ZNF618: variants seen among roughly 807,000 people sequenced by gnomAD.
ZNF618 encodes neural precursor cell expressed, developmentally down-regulated 10.
A neutral mutation model predicts 103.0 loss-of-function variants in ZNF618; 34 were observed. The observed-to-expected ratio is 0.33, with a 90% CI of 0.25 to 0.44. The LOEUF is 0.44. ZNF618 is among the 20% of genes least tolerant of loss of function. The pLI, the probability that ZNF618 is intolerant of heterozygous loss-of-function variation, is 1.00. For synonymous variants in ZNF618, 551 were observed against 542.2 expected (o/e 1.02, Z -0.23); for missense variants, 1,059 against 1,295.4 (o/e 0.82, Z 2.80).
At chr9:114,025,539 T>C (rs2134108325) in intron 10 of ZNF618, among the ~76,000 whole-genome samples, 1 of 152,370 alleles carries the variant, frequency 6.6e-6, no homozygotes, top group Middle Eastern at 3.4e-3. Flanking sequence ...GACTCTTTCA[T>C]GCTTTCTCAG....
chr9:113,884,676 G>A (rs1828880726), intron 1 of ZNF618, among the ~76,000 whole-genome samples: 1 of 152,006 alleles, frequency 6.6e-6, no homozygotes. Context: ...GCTTAGATGG[G>A]ACATGAAGCC....
chr9:113,994,691 A>C (rs1840396857), intron 3 of ZNF618, among the ~76,000 whole-genome samples: 1 of 152,186 alleles, frequency 6.6e-6, no homozygotes, highest in Non-Finnish European at 1.5e-5. Context: ...CGGGACAAAA[A>C]ACGTAAAACC....
intron 1 of ZNF618, among the ~76,000 whole-genome samples, chr9:113,888,886 G>A (rs1829331301): frequency 6.6e-6 from 1 of 152,132 alleles, no homozygotes; most frequent in Admixed American, 6.5e-5. Flanking sequence ...AGAGAGGCTT[G>A]GAATAGCCAG....
intron 1 of ZNF618, among the ~76,000 whole-genome samples, chr9:113,900,139 C>T (rs1188585219): frequency 6.6e-6 from 1 of 152,082 alleles, no homozygotes; most frequent in Admixed American, 6.5e-5. Flanking sequence ...CTCACTGCAA[C>T]CTCTGCCTCC....
At chr9:113,922,804 A>G (rs1330481494) in intron 1 of ZNF618, among the ~76,000 whole-genome samples, 1 of 152,158 alleles carries the variant, frequency 6.6e-6, no homozygotes, top group African/African-American at 2.4e-5. Flanking sequence ...CTTTCAGTAT[A>G]TACACTTTAG....
intron 10 of ZNF618, among the ~76,000 whole-genome samples, chr9:114,022,057 C>T (rs780607209): frequency 3.3e-5 from 5 of 152,032 alleles, no homozygotes; most frequent in Non-Finnish European, 2.9e-5. Flanking sequence ...CAGTTATGAA[C>T]ATTTGTGTAC....
Position 114,002,665 on chromosome 9 carries a change from G to A in ZNF618, c.550+3G>A. On this transcript the variant is annotated splice_donor_region_variant and intron_variant, in intron 6 of 14. Transcript: ENST00000374126. ...AGGGGAGGGAGCCTCCCAAAGCAGT[G>A]AGTACTTTTTCCTCCTCGTGGGCTG... 2 of 1,611,342 alleles carry A rather than the reference G, an allele frequency of 1.2e-6. No individual in the cohort carries two copies. Among genetic ancestry groups the A allele is most frequent in the Non-Finnish European group, 1.7e-6 (2 of 1,179,610 alleles).
intron 4 of ZNF618, among the ~76,000 whole-genome samples, chr9:113,999,014 T>G (rs1435636222): frequency 6.6e-6 from 1 of 152,192 alleles, no homozygotes; most frequent in Non-Finnish European, 1.5e-5. Flanking sequence ...GTGTGGGTGG[T>G]TCCATGACTT....
chr9:114,027,702 A>G (rs1029052891), intron 10 of ZNF618, among the ~76,000 whole-genome samples: 1 of 151,994 alleles, frequency 6.6e-6, no homozygotes, highest in Admixed American at 6.5e-5. Flanking sequence ...GAGCAGGGAG[A>G]TAATGGGGCC....
At chr9:114,003,181 A>AT in intron 6 of ZNF618, among the ~76,000 whole-genome samples, 1 of 152,216 alleles carries the variant, frequency 6.6e-6, no homozygotes. Flanking sequence ...GAGGTGCCAT[A>AT]TCCCAGCACC....
chr9:113,986,999 G>A (rs1461024181), intron 2 of ZNF618, among the ~76,000 whole-genome samples: 2 of 152,194 alleles, frequency 1.3e-5, no homozygotes, highest in African/African-American at 4.8e-5. Context: ...CCAGTCCAGT[G>A]GCCCTGCTGT....
At chr9:113,932,241 A>G (rs887146674) in intron 1 of ZNF618, among the ~76,000 whole-genome samples, 16 of 152,152 alleles carry the variant, frequency 1.1e-4, no homozygotes, top group East Asian at 3.9e-4. Flanking sequence ...AAACCTTGCA[A>G]TTGGTGGGGA....
chr9:114,007,541 A>G, intron 7 of ZNF618, 102 bp downstream of exon 7: 2 of 1,125,250 alleles, frequency 1.8e-6, no homozygotes, highest in Non-Finnish European at 2.5e-6. Context: ...TCTTACCCAG[A>G]AAAAGGCCAG....
At chr9:113,942,908 A>T (rs1402293190) in intron 1 of ZNF618, among the ~76,000 whole-genome samples, 1 of 152,216 alleles carries the variant, frequency 6.6e-6, no homozygotes. Context: ...AGTCACCCCC[A>T]AACTCCATAT....
chr9:113,990,915 T>C (rs559654046), intron 3 of ZNF618, among the ~76,000 whole-genome samples: 27 of 152,332 alleles, frequency 1.8e-4, no homozygotes, highest in African/African-American at 6.5e-4. Context: ...GGCCAGGGAC[T>C]GTGTTAATCA....
chr9:113,955,255 T>C (rs1230386756), intron 1 of ZNF618, among the ~76,000 whole-genome samples: 2 of 150,796 alleles, frequency 1.3e-5, no homozygotes, highest in Non-Finnish European at 2.9e-5. Context: ...TGGAAGTCAC[T>C]GTAAGCTCAT....
intron 1 of ZNF618, among the ~76,000 whole-genome samples, chr9:113,949,952 T>A (rs1331447893): frequency 6.6e-6 from 1 of 152,224 alleles, no homozygotes; most frequent in Non-Finnish European, 1.5e-5. Flanking sequence ...TGTCTCTACC[T>A]CATCTCTTCT....
At chr9:113,978,910 A>C (rs1838730839) in intron 2 of ZNF618, among the ~76,000 whole-genome samples, 1 of 152,120 alleles carries the variant, frequency 6.6e-6, no homozygotes, top group South Asian at 2.1e-4. Flanking sequence ...CACTCATTAC[A>C]CCACAGCTGC....
intron 1 of ZNF618, among the ~76,000 whole-genome samples, chr9:113,877,537 T>C (rs901702594): frequency 6.6e-6 from 1 of 152,060 alleles, no homozygotes; most frequent in Non-Finnish European, 1.5e-5. Context: ...TTTTTTTTTT[T>C]AATTTTGCAT....
Sources: allele counts gnomAD v4.1 joint callset (sites outside exome capture counted in the v4.1 genomes callset), GRCh38; gene constraint gnomAD v4.1.1; transcripts MANE v1.5; gene names NCBI Gene and HGNC (gene_info 2026-07-23, HGNC 2026-07-21).